NRXN3: variants seen among roughly 807,000 people sequenced by gnomAD.
The protein encoded by NRXN3 is neurexin III.
In NRXN3, 32 loss-of-function variants were observed where a neutral mutation model predicts 137.6. The observed-to-expected ratio is 0.23, with a 90% CI of 0.18 to 0.31. The LOEUF (loss-of-function observed/expected upper bound fraction) is 0.31, where lower values mean the gene tolerates loss of function less well. Among genes scored for constraint, NRXN3 ranks in the 10% least tolerant of loss-of-function variants. NRXN3 has a pLI of 1.00. For synonymous variants in NRXN3, 798 were observed against 784.5 expected (o/e 1.02, Z -0.29); for missense variants, 1,574 against 2,062.5 (o/e 0.76, Z 4.59).
chr14:78,789,131 T>C (rs1156685250), intron 8 of NRXN3, among the ~76,000 whole-genome samples: 1 of 152,158 alleles, frequency 6.6e-6, no homozygotes, highest in African/African-American at 2.4e-5. Flanking sequence ...TAAGATTACA[T>C]CTAGTCTTTC....
At chr14:79,404,166 C>A (rs1400682368) in intron 15 of NRXN3, among the ~76,000 whole-genome samples, 3 of 152,158 alleles carry the variant, frequency 2.0e-5, no homozygotes, top group Non-Finnish European at 4.4e-5. Context: ...AGTAAAGAGA[C>A]AACCTACACA....
chr14:79,354,428 T>G (rs914782197), intron 15 of NRXN3, among the ~76,000 whole-genome samples: 2 of 152,142 alleles, frequency 1.3e-5, no homozygotes, highest in Non-Finnish European at 2.9e-5. Flanking sequence ...AAAAATTAGG[T>G]GACTATTTTC....
chr14:78,404,410 G>T (rs1195868082), intron 4 of NRXN3, among the ~76,000 whole-genome samples: 1 of 151,976 alleles, frequency 6.6e-6, no homozygotes, highest in Non-Finnish European at 1.5e-5. Flanking sequence ...ATTTTGAGCT[G>T]GGCTGAGACA....
chr14:79,256,486 A>G (rs2076601592), intron 15 of NRXN3, among the ~76,000 whole-genome samples: 1 of 152,152 alleles, frequency 6.6e-6, no homozygotes. Context: ...CCTGTAGTAG[A>G]GTGCCCCCTA....
chr14:78,353,067 T>C (rs574378495), intron 4 of NRXN3, among the ~76,000 whole-genome samples: 29 of 152,276 alleles, frequency 1.9e-4, no homozygotes, highest in Non-Finnish European at 3.5e-4. Context: ...TCTAGATTCT[T>C]AGGACTAGAA....
intron 4 of NRXN3, among the ~76,000 whole-genome samples, chr14:78,346,329 A>G (rs902352995): frequency 1.3e-5 from 2 of 150,084 alleles, no homozygotes; most frequent in Non-Finnish European, 2.9e-5. Context: ...ATCAGGCCCC[A>G]CTCTTACCTG....
chr14:78,398,860 T>C (rs2091773621), intron 4 of NRXN3, among the ~76,000 whole-genome samples: 1 of 152,180 alleles, frequency 6.6e-6, no homozygotes, highest in Admixed American at 6.5e-5. Context: ...AAGTCCTGGC[T>C]CCTGGCTTGG....
intron 10 of NRXN3, among the ~76,000 whole-genome samples, chr14:78,943,413 C>A (rs2099356911): frequency 6.6e-6 from 1 of 150,878 alleles, no homozygotes; most frequent in South Asian, 2.1e-4. Context: ...GGCTCAGCAG[C>A]AGTCAAGGGG....
intron 15 of NRXN3, among the ~76,000 whole-genome samples, chr14:79,350,444 C>A (rs1734875689): frequency 6.6e-6 from 1 of 152,126 alleles, no homozygotes; most frequent in Admixed American, 6.6e-5. Flanking sequence ...GTGAATGCAT[C>A]ATAGAGATTT....
At chr14:78,182,157 G>A (rs563943996) in intron 1 of NRXN3, among the ~76,000 whole-genome samples, 2 of 152,148 alleles carry the variant, frequency 1.3e-5, no homozygotes, top group South Asian at 4.2e-4. Context: ...AGCACTCACC[G>A]TCTGCAGGCC....
chr14:78,246,247 C>G (rs1330820355), intron 2 of NRXN3, among the ~76,000 whole-genome samples: 1 of 152,202 alleles, frequency 6.6e-6, no homozygotes, highest in Non-Finnish European at 1.5e-5. Flanking sequence ...TATATGTATA[C>G]AATTTGCTTT....
rs551399061 is a variant in NRXN3 at position 79,199,492 on chromosome 14, G to A, written c.3262+211351G>A. On this transcript the variant is annotated intron_variant, in intron 15 of 20. Coordinates refer to ENST00000335750, the MANE Select transcript of NRXN3 (RefSeq NM_001330195.2). The stretch of plus-strand genomic sequence containing the variant: ...AATGTTCACTAACGTAATTTTTAAG[G>A]GAGAAGATATAAAGATTACCAGAGT... 1.6e-4 allele frequency among the ~76,000 whole-genome samples: 24 copies of A among 152,264 alleles called. No homozygotes were observed. In the South Asian group the frequency reaches 5.0e-3, roughly 32 times the overall value.
At chr14:78,384,204 T>C (rs1328530564) in intron 4 of NRXN3, among the ~76,000 whole-genome samples, 1 of 152,158 alleles carries the variant, frequency 6.6e-6, no homozygotes, top group Non-Finnish European at 1.5e-5. Flanking sequence ...TCTGAATATA[T>C]TTGAGAATCA....
At chr14:78,910,906 C>G (rs1229488368) in intron 10 of NRXN3, among the ~76,000 whole-genome samples, 2 of 152,116 alleles carry the variant, frequency 1.3e-5, no homozygotes, top group African/African-American at 4.8e-5. Flanking sequence ...TTCTTTTTAA[C>G]TTGCTCTCCT....
intron 6 of NRXN3, among the ~76,000 whole-genome samples, chr14:78,700,373 C>T (rs991508700): frequency 6.6e-6 from 1 of 152,170 alleles, no homozygotes; most frequent in Non-Finnish European, 1.5e-5. Flanking sequence ...GATTCTGAGG[C>T]TTCATCTGGG....
At chr14:78,569,951 C>A (rs753182351) in intron 4 of NRXN3, among the ~76,000 whole-genome samples, 13 of 152,258 alleles carry the variant, frequency 8.5e-5, no homozygotes, top group Non-Finnish European at 1.8e-4. Flanking sequence ...AGGGGCCACA[C>A]TGGCAGTGGC....
At chr14:78,991,098 T>C (rs2099517881) in intron 15 of NRXN3, among the ~76,000 whole-genome samples, 1 of 152,208 alleles carries the variant, frequency 6.6e-6, no homozygotes, top group Non-Finnish European at 1.5e-5. Context: ...AATAGGCTCA[T>C]GCTTATCATC....
rs1389590059 is a variant in NRXN3, at chr14:78,598,122, A to G, written c.758-46998A>G. Among the ~76,000 whole-genome samples, 3 of 152,228 alleles carry G rather than the reference A, an allele frequency of 2.0e-5. No homozygotes were observed. In the East Asian group the frequency reaches 5.8e-4, roughly 29 times the overall value. ...CCTCATTTTCATGGATAATTACTGT[A>G]GCCTTCAATTTGAGGAACATGGCAG... On this transcript the variant is annotated intron_variant, in intron 4 of 20. Transcript: ENST00000335750.
rs1357427906 is a variant in NRXN3 at position 79,347,118 on chromosome 14, T to TC, written c.3263-120097dup. 4.6e-5 allele frequency among the ~76,000 whole-genome samples: 7 copies of TC among 152,118 alleles called. No homozygotes were observed. In the East Asian group the frequency reaches 1.4e-3, roughly 29 times the overall value. On this transcript the variant is annotated intron_variant, in intron 15 of 20. Transcript: ENST00000335750. ...GGCAAGGGGAGCGTGGCCATGCTTGTCCCCCCACCCTTATCTGTATTCTGA... is the reference window on the plus strand; with the variant it reads ...GGCAAGGGGAGCGTGGCCATGCTTGTCCCCCCCACCCTTATCTGTATTCTGA...
Sources: allele counts gnomAD v4.1 joint callset (sites outside exome capture counted in the v4.1 genomes callset), GRCh38; gene constraint gnomAD v4.1.1; transcripts MANE v1.5; gene names NCBI Gene and HGNC (gene_info 2026-07-23, HGNC 2026-07-21).